The following HSPA4 variants were observed in gnomAD, a reference collection of about 807,000 sequenced individuals.
HSPA4 encodes heat shock protein family A (Hsp70) member 4, also known as heat shock 70 kDa protein 4.
HSPA4 carries 25 observed loss-of-function variants against 106.2 expected under a neutral mutation model. The observed-to-expected ratio is 0.24, with a 90% CI of 0.17 to 0.33. HSPA4 has a LOEUF of 0.33. HSPA4 is among the 10% of genes least tolerant of loss of function. The probability of loss-of-function intolerance (pLI) is 1.00; values close to 1 mark genes in which losing one functional copy is unlikely to be tolerated. For missense variants in HSPA4, 841 were observed against 996.0 expected (o/e 0.84, Z 2.10); for synonymous variants, 332 against 333.6 (o/e 1.00, Z 0.05).
chr5:133,094,888 T>C (rs1308029922), intron 13 of HSPA4, among the ~76,000 whole-genome samples: 1 of 152,200 alleles, frequency 6.6e-6, no homozygotes, highest in Non-Finnish European at 1.5e-5. Context: ...TTGAAAAAGC[T>C]TGAAGTGAAT....
chr5:133,065,102 G>A, intron 2 of HSPA4, 65 bp downstream of exon 2: 1 of 1,342,340 alleles, frequency 7.4e-7, no homozygotes, highest in South Asian at 1.2e-5. Flanking sequence ...TCAGCAAGTA[G>A]TTGAATGCCC....
chr5:133,066,684 TTC>T (rs1765309497), intron 2 of HSPA4, among the ~76,000 whole-genome samples: 1 of 152,056 alleles, frequency 6.6e-6, no homozygotes, highest in African/African-American at 2.4e-5. Flanking sequence ...GATTTTTTTT[TTC>T]CCCTTTATGA....
chr5:133,096,373 C>G, intron 14 of HSPA4, 123 bp downstream of exon 14: 1 of 864,708 alleles, frequency 1.2e-6, no homozygotes, highest in Non-Finnish European at 1.7e-6. Flanking sequence ...ATAAATTAGA[C>G]TTTTGTGTGG....
Position 133,099,611 on chromosome 5 carries a change from C to A in HSPA4, c.1996C>A (p.Gln666Lys). 1 of 1,603,648 alleles carries A rather than the reference C, an allele frequency of 6.2e-7. No individual in the cohort carries two copies. Among genetic ancestry groups the A allele is most frequent in the Non-Finnish European group, 8.5e-7 (1 of 1,172,042 alleles). The change falls in exon 16 of 19, where the codon CAG becomes AAG. Residue 666 changes from glutamine (Q) to lysine (K), a missense_variant. Around this residue, in one of 5 missense-constraint regions of HSPA4, gnomAD observed 328 missense variants for 372.2 expected, o/e 0.88. Coordinates refer to ENST00000304858, the MANE Select transcript of HSPA4 (RefSeq NM_002154.4). ...ENWLYEDGED[Q>K]PKQVYVDKLA... ...TTGGTTGTATGAGGATGGAGAAGAC[C>A]AGCCAAAGCAAGTTTATGTTGATAA...
intron 1 of HSPA4, among the ~76,000 whole-genome samples, chr5:133,060,068 C>T (rs200289757): frequency 1.4e-5 from 2 of 146,070 alleles, no homozygotes; most frequent in Non-Finnish European, 3.0e-5. Context: ...ATCAGTTTTA[C>T]TTTTTTTTTT....
chr5:133,073,912 T>C, intron 5 of HSPA4, 81 bp from the exon 6 acceptor site: 1 of 969,074 alleles, frequency 1.0e-6, no homozygotes, highest in Non-Finnish European at 1.5e-6. Flanking sequence ...ATTCGTTATA[T>C]ATAAAACCTC....
intron 15 of HSPA4, among the ~76,000 whole-genome samples, chr5:133,098,694 T>C (rs999110763): frequency 1.6e-4 from 24 of 151,240 alleles, no homozygotes; most frequent in African/African-American, 5.8e-4. Flanking sequence ...TTTTTTGAGA[T>C]GGAGTTTCGG....
chr5:133,091,532 CAGT>C (rs1438990911), intron 12 of HSPA4, among the ~76,000 whole-genome samples, 158 bp downstream of exon 12: 2 of 152,112 alleles, frequency 1.3e-5, no homozygotes, highest in African/African-American at 4.8e-5. Flanking sequence ...AGTGAACCAG[CAGT>C]AGATTTTTAT....
chr5:133,092,452 C>T (rs1329592789), intron 12 of HSPA4, among the ~76,000 whole-genome samples: 1 of 152,092 alleles, frequency 6.6e-6, no homozygotes, highest in Non-Finnish European at 1.5e-5. Context: ...AAAGCAGTTC[C>T]ACAGTTATTC....
At chr5:133,068,553 A>G (rs962304242) in intron 3 of HSPA4, among the ~76,000 whole-genome samples, 1 of 152,216 alleles carries the variant, frequency 6.6e-6, no homozygotes, top group African/African-American at 2.4e-5. Flanking sequence ...CATGAGAAAA[A>G]GGTAGTCTGC....
chr5:133,052,405 G>A, intron 1 of HSPA4, 48 bp downstream of exon 1: 2 of 1,232,336 alleles, frequency 1.6e-6, no homozygotes, highest in South Asian at 1.4e-5. Context: ...AGGAGATAAT[G>A]CTTGTTCCAG....
chr5:133,088,594 C>T lies in HSPA4; in HGVS notation c.1137+39C>T, dbSNP rs377418104. ...CTTTTATAGGTAACCATTTATAAATCATTGTAACAAGATGGCAGTGGTTTA... is the reference window on the plus strand; with the variant it reads ...CTTTTATAGGTAACCATTTATAAATTATTGTAACAAGATGGCAGTGGTTTA... On this transcript the variant is annotated intron_variant, in intron 9 of 18. Transcript: ENST00000304858. 242 of 1,559,022 alleles carry T rather than the reference C, an allele frequency of 1.6e-4. 1 individual carries two copies. The highest frequency in any genetic ancestry group is 1.9e-5 in the Non-Finnish European group (22 of 1,131,244).
intron 1 of HSPA4, among the ~76,000 whole-genome samples, chr5:133,055,358 TG>T (rs1765148120): frequency 7.3e-6 from 1 of 137,658 alleles, no homozygotes; most frequent in Non-Finnish European, 1.5e-5. Context: ...TATGGAGGAA[TG>T]GATTTGGAGC....
rs1194268567 is a variant in HSPA4, at chr5:133,067,603, A to G, written c.306+46A>G. 5 of 1,463,062 alleles carry G rather than the reference A, an allele frequency of 3.4e-6. No individual in the cohort carries two copies. The African/African-American group carries it at 7.0e-5, about 21-fold the overall frequency. The allele number at this position is 1,463,062 out of a possible 1,614,324, so 90.6% of individuals were successfully genotyped here. A position where few individuals can be genotyped will look rare whatever the true frequency, so the allele number is the denominator to read the frequency against. On this transcript the variant is annotated intron_variant, in intron 3 of 18. Coordinates refer to ENST00000304858, the MANE Select transcript of HSPA4 (RefSeq NM_002154.4). Reference sequence around the variant, plus strand: ...CCTTTTAATTAAAATGCATTATTATATTTTATCAGTTCAATATCTATCTGT... The same window carrying G: ...CCTTTTAATTAAAATGCATTATTATGTTTTATCAGTTCAATATCTATCTGT...
intron 10 of HSPA4, 93 bp downstream of exon 10, chr5:133,089,254 G>A: frequency 1.4e-6 from 1 of 735,860 alleles, no homozygotes; most frequent in Non-Finnish European, 2.2e-6. Context: ...ACATAAATCT[G>A]TAACATTTTA....
chr5:133,097,599 A>C (rs1345353717), intron 15 of HSPA4, among the ~76,000 whole-genome samples: 1 of 138,676 alleles, frequency 7.2e-6, no homozygotes, highest in Non-Finnish European at 1.5e-5. Context: ...CTCAGGCTGG[A>C]GTGCAGTGGC....
chr5:133,094,292 T>G (rs1363567352), intron 13 of HSPA4, among the ~76,000 whole-genome samples: 1 of 152,196 alleles, frequency 6.6e-6, no homozygotes, highest in African/African-American at 2.4e-5. Flanking sequence ...TCTCACCATC[T>G]TAGGAGTTTC....
At chr5:133,093,626 G>A (rs748639708) in intron 13 of HSPA4, among the ~76,000 whole-genome samples, 11 of 152,012 alleles carry the variant, frequency 7.2e-5, no homozygotes, top group Non-Finnish European at 1.6e-4. Flanking sequence ...GGGTAGCTGG[G>A]ACTACAGGCG....
chr5:133,069,230 G>GTTCA (rs56289421), intron 3 of HSPA4, among the ~76,000 whole-genome samples: 38,763 of 151,240 alleles, frequency 0.26, 5,154 homozygotes, highest in African/African-American at 0.3. Context: ...TTGAAGCTTT[G>GTTCA]TTCATTATTG....
Sources: gnomAD v4.1 joint callset for allele counts (sites outside exome capture counted in the v4.1 genomes callset) on GRCh38, gnomAD v4.1.1 for gene constraint, gnomAD v4.1.1 regional missense constraint, MANE v1.5 for transcripts, NCBI Gene and HGNC (gene_info 2026-07-23, HGNC 2026-07-21) for gene names.